G3BP1: variants seen among roughly 807,000 people sequenced by gnomAD.
G3BP1 encodes G3BP stress granule assembly factor 1.
G3BP1 carries 35 observed loss-of-function variants against 58.6 expected under a neutral mutation model. The observed-to-expected ratio is 0.60, with a 90% CI of 0.46 to 0.79. The LOEUF (loss-of-function observed/expected upper bound fraction) is 0.79. G3BP1 is among the 30% of genes least tolerant of loss of function. G3BP1 has a pLI of 0.00. For missense variants in G3BP1, 523 were observed against 580.8 expected (o/e 0.90, Z 1.02); for synonymous variants, 191 against 195.4 (o/e 0.98, Z 0.19).
Position 151,810,438 on chromosome 5 carries a change from T to C in G3BP1, c.*6347T>C, listed in dbSNP as rs1483115960. 1 of 152,140 alleles carries C rather than the reference T, an allele frequency of 6.6e-6. No homozygotes were observed. The highest frequency in any genetic ancestry group is 1.5e-5 in the Non-Finnish European group (1 of 68,032). The allele number at this position is 152,140 out of a possible 1,614,324, so 9.4% of individuals were successfully genotyped here. ...GGGCTGATCTGTCCAGAATTTGGAG[T>C]GAGGAACAAATCCATTCTCATCTAC... On this transcript the variant is annotated 3_prime_UTR_variant, in exon 12 of 12. Coordinates refer to ENST00000356245, the MANE Select transcript of G3BP1 (RefSeq NM_005754.3).
At position 151,793,494 on chromosome 5, in the gene G3BP1, T is replaced by G. The variant is rs1490633121; in HGVS notation, c.352-665T>G. The stretch of plus-strand genomic sequence containing the variant: ...TTTGTCAGTTTTTGGATATTTATCT[T>G]GTGGTGAGGTAAAGTGTTCTGAGCA... On this transcript the variant is annotated intron_variant, in intron 4 of 11. Coordinates refer to ENST00000356245, the MANE Select transcript of G3BP1 (RefSeq NM_005754.3). Among the ~76,000 whole-genome samples, 3 of 152,188 alleles carry G rather than the reference T, an allele frequency of 2.0e-5. No individual in the cohort carries two copies. The East Asian group carries it at 5.8e-4, about 29-fold the overall frequency.
intron 1 of G3BP1, among the ~76,000 whole-genome samples, chr5:151,785,214 A>T (rs973253926): frequency 6.6e-6 from 1 of 152,226 alleles, no homozygotes; most frequent in African/African-American, 2.4e-5. Flanking sequence ...TGCTCAATAC[A>T]CATGCCTGAA....
At chr5:151,773,308 A>G (rs1762309742) in intron 1 of G3BP1, among the ~76,000 whole-genome samples, 1 of 145,588 alleles carries the variant, frequency 6.9e-6, no homozygotes, top group Non-Finnish European at 1.5e-5. Flanking sequence ...TGGAATAGAA[A>G]GGTTGGCGCC....
At chr5:151,785,376 T>C (rs1314706380) in intron 1 of G3BP1, among the ~76,000 whole-genome samples, 1 of 152,236 alleles carries the variant, frequency 6.6e-6, no homozygotes, top group African/African-American at 2.4e-5. Context: ...AGAGTAAATA[T>C]ATCTTCACAA....
chr5:151,788,202 G>GTT (rs145497146), intron 2 of G3BP1, among the ~76,000 whole-genome samples: 1 of 150,836 alleles, frequency 6.6e-6, no homozygotes, highest in African/African-American at 2.4e-5. Context: ...GTGTAATTGG[G>GTT]TTTTTTTTTA....
At chr5:151,794,720 G>A (rs1041093997) in intron 5 of G3BP1, among the ~76,000 whole-genome samples, 1 of 152,228 alleles carries the variant, frequency 6.6e-6, no homozygotes, top group African/African-American at 2.4e-5. Context: ...AGAAGAAAGG[G>A]TAGGCATGGA....
chr5:151,794,988 A>G (rs1443614357), intron 5 of G3BP1, among the ~76,000 whole-genome samples: 2 of 152,196 alleles, frequency 1.3e-5, no homozygotes, highest in Non-Finnish European at 2.9e-5. Context: ...CTTAAAGTCT[A>G]TCCTTAAGGC....
chr5:151,784,108 T>G (rs1581573829), intron 1 of G3BP1, among the ~76,000 whole-genome samples: 1 of 152,294 alleles, frequency 6.6e-6, no homozygotes, highest in South Asian at 2.1e-4. Context: ...TGTACTTTAT[T>G]TTTTTGAGAT....
At chr5:151,776,240 C>G (rs1023123644) in intron 1 of G3BP1, among the ~76,000 whole-genome samples, 1 of 152,170 alleles carries the variant, frequency 6.6e-6, no homozygotes, top group Admixed American at 6.5e-5. Flanking sequence ...ACCCTTATCA[C>G]ATCAGATTGG....
Position 151,812,105 on chromosome 5 carries a change from C to A in G3BP1, c.*8014C>A, listed in dbSNP as rs78135651. On this transcript the variant is annotated 3_prime_UTR_variant, in exon 12 of 12. Coordinates refer to ENST00000356245, the MANE Select transcript of G3BP1 (RefSeq NM_005754.3). The stretch of plus-strand genomic sequence containing the variant: ...ATAGCACTATGTTGCTGAGCTAATT[C>A]ATGCTGCCCAGCTAAGCACATTTTC... 1 of 152,164 alleles carries A rather than the reference C, an allele frequency of 6.6e-6. No individual in the cohort carries two copies. Among genetic ancestry groups the A allele is most frequent in the Non-Finnish European group, 1.5e-5 (1 of 68,028 alleles). The allele number at this position is 152,164 out of a possible 1,614,324, so 9.4% of individuals were successfully genotyped here. A position where few individuals can be genotyped will look rare whatever the true frequency, so the allele number is the denominator to read the frequency against.
Position 151,807,973 on chromosome 5 carries a change from A to G in G3BP1, c.*3882A>G, listed in dbSNP as rs1017416714. On this transcript the variant is annotated 3_prime_UTR_variant, in exon 12 of 12. Transcript: ENST00000356245. ...AGATAATTGTTGACCTTTTTAGTTCAGCAGTTTTTAAACTTGAAGTAACAT... is the reference window on the plus strand; with the variant it reads ...AGATAATTGTTGACCTTTTTAGTTCGGCAGTTTTTAAACTTGAAGTAACAT... 3.9e-5 allele frequency: 6 copies of G among 152,230 alleles called. No homozygotes were observed. Among genetic ancestry groups the G allele is most frequent in the Non-Finnish European group, 7.3e-5 (5 of 68,030 alleles). The allele number at this position is 152,230 out of a possible 1,614,324, so 9.4% of individuals were successfully genotyped here.
At chr5:151,800,471 G>A (rs768119751) in intron 10 of G3BP1, 125 bp downstream of exon 10, 2 of 641,076 alleles carry the variant, frequency 3.1e-6, no homozygotes, top group Admixed American at 3.3e-5. Context: ...AAAAAAAAAG[G>A]TAAAAAGAAA....
chr5:151,772,691 C>T (rs1237685551), intron 1 of G3BP1: 1 of 152,298 alleles, frequency 6.6e-6, no homozygotes, highest in Non-Finnish European at 1.5e-5. Flanking sequence ...ATCCTCCTTC[C>T]TTAGCGGCCC....
chr5:151,772,462 G>A (rs2013303830), intron 1 of G3BP1: 1 of 152,378 alleles, frequency 6.6e-6, no homozygotes, highest in Non-Finnish European at 1.5e-5. Flanking sequence ...CTTTCGTTTA[G>A]GGTGGGGGCA....
intron 10 of G3BP1, 55 bp from the exon 11 acceptor site, chr5:151,800,705 T>G: frequency 9.5e-7 from 1 of 1,049,134 alleles, no homozygotes. Flanking sequence ...TGTGTACATG[T>G]AATGTTTAAA....
intron 11 of G3BP1, among the ~76,000 whole-genome samples, chr5:151,803,477 C>T (rs1173265063): frequency 6.6e-6 from 1 of 151,992 alleles, no homozygotes; most frequent in Non-Finnish European, 1.5e-5. Context: ...GAGAACTTAG[C>T]TGATTTATAA....
Position 151,788,570 on chromosome 5 carries a change from ATATGTG to A in G3BP1, c.96-1751_96-1746del, listed in dbSNP as rs1425250407. On this transcript the variant is annotated intron_variant, in intron 2 of 11. Coordinates refer to ENST00000356245, the MANE Select transcript of G3BP1 (RefSeq NM_005754.3). The stretch of plus-strand genomic sequence containing the variant: ...TGCACTACCATGCCCAGCTAAGTTT[ATATGTG>A]TGTGTGTGTGTGTGTGTGTGTGTGT... 4.1e-4 allele frequency among the ~76,000 whole-genome samples: 38 copies of A among 93,188 alleles called. 1 individual carries two copies. Among genetic ancestry groups the A allele is most frequent in the African/African-American group, 1.4e-3 (33 of 23,256 alleles). 61.1% of individuals were successfully genotyped at this position (93,188 alleles called of 152,430 possible). A position where few individuals can be genotyped will look rare whatever the true frequency, so the allele number is the denominator to read the frequency against.
intron 1 of G3BP1, among the ~76,000 whole-genome samples, chr5:151,775,913 A>G (rs1433625186): frequency 6.6e-6 from 1 of 152,254 alleles, no homozygotes; most frequent in East Asian, 1.9e-4. Flanking sequence ...GAGTTGCAAT[A>G]GAGAGGTCTT....
At position 151,781,378 on chromosome 5, in the gene G3BP1, G is replaced by C. The variant is rs78058316; in HGVS notation, c.-49-5194G>C. On this transcript the variant is annotated intron_variant, in intron 1 of 11. Transcript: ENST00000356245. Reference sequence around the variant, plus strand: ...CCACCTCCTGTAAATATTGCAATGTGCTTGTGTTGCAAGTATCTGCTTACA... The same window carrying C: ...CCACCTCCTGTAAATATTGCAATGTCCTTGTGTTGCAAGTATCTGCTTACA... Among the ~76,000 whole-genome samples the C allele has an allele frequency of 8.3e-3, 1,258 of 152,282 alleles. 9 individuals are homozygous for C. Among genetic ancestry groups the C allele is most frequent in the Middle Eastern group, 0.014 (4 of 294 alleles).
Sources: gnomAD v4.1 joint callset for allele counts (sites outside exome capture counted in the v4.1 genomes callset) on GRCh38, gnomAD v4.1.1 for gene constraint, MANE v1.5 for transcripts, NCBI Gene and HGNC (gene_info 2026-07-23, HGNC 2026-07-21) for gene names.